NCKAP5: variants seen among roughly 807,000 people sequenced by gnomAD.
NCKAP5 encodes nck-associated protein 5.
Under a neutral mutation model 167.0 loss-of-function variants are expected in NCKAP5, and 92 were observed. The observed-to-expected ratio is 0.55, with a 90% confidence interval of 0.47 to 0.66. The LOEUF (loss-of-function observed/expected upper bound fraction) is 0.66. NCKAP5 is among the 30% of genes least tolerant of loss of function. The pLI is 0.00. For missense variants in NCKAP5, 2,378 were observed against 2,315.0 expected, an observed-to-expected ratio of 1.03 and a Z score of -0.56; for synonymous variants, 891 against 877.4, an observed-to-expected ratio of 1.02 and a Z score of -0.27.
chr2:132,675,029 A>G (rs1684252839), intron 19 of NCKAP5, among the ~76,000 whole-genome samples: 1 of 152,234 alleles, frequency 6.6e-6, no homozygotes, highest in African/African-American at 2.4e-5. Flanking sequence ...AATGGCATTC[A>G]ATGCAATTTT....
intron 2 of NCKAP5, among the ~76,000 whole-genome samples, chr2:133,557,810 T>C (rs1350098759): frequency 6.6e-6 from 1 of 152,204 alleles, no homozygotes; most frequent in Non-Finnish European, 1.5e-5. Context: ...AACAGGGGAC[T>C]ACTGGGATCA....
rs140271051 is a variant in NCKAP5 at position 133,482,186 on chromosome 2, A to G, written c.69+35272T>C. ...ATTTCTAATGGGTGAATAGTATTAC[A>G]TTGTGTATATATATAAAATTTTCCT... On this transcript the variant is annotated intron_variant, in intron 3 of 19. Transcript: ENST00000409261. 7.3e-3 allele frequency among the ~76,000 whole-genome samples: 1,105 copies of G among 151,854 alleles called. 10 individuals are homozygous for G. Among genetic ancestry groups the G allele is most frequent in the South Asian group, 0.027 (131 of 4,804 alleles).
At chr2:133,289,262 T>C (rs1349655202) in intron 4 of NCKAP5, among the ~76,000 whole-genome samples, 1 of 152,198 alleles carries the variant, frequency 6.6e-6, no homozygotes, top group Non-Finnish European at 1.5e-5. Context: ...TTAAAGGAGC[T>C]AGGTAATAAA....
intron 6 of NCKAP5, among the ~76,000 whole-genome samples, chr2:133,034,710 G>C (rs2078986814): frequency 6.6e-6 from 1 of 151,772 alleles, no homozygotes; most frequent in African/African-American, 2.4e-5. Flanking sequence ...TAAAGTAGTT[G>C]GTTATAAATA....
At chr2:132,824,923 T>C (rs112526016) in intron 11 of NCKAP5, among the ~76,000 whole-genome samples, 2 of 152,324 alleles carry the variant, frequency 1.3e-5, no homozygotes, top group African/African-American at 4.8e-5. Flanking sequence ...TTTGAAGCCA[T>C]GGAGATTTTA....
chr2:132,770,129 A>T (rs1367452251), intron 16 of NCKAP5, among the ~76,000 whole-genome samples: 3 of 152,146 alleles, frequency 2.0e-5, no homozygotes, highest in African/African-American at 7.2e-5. Context: ...AATTTGCTCA[A>T]ACCAGTATTG....
intron 3 of NCKAP5, among the ~76,000 whole-genome samples, chr2:133,405,260 A>G (rs560356317): frequency 6.6e-6 from 1 of 152,338 alleles, no homozygotes; most frequent in Admixed American, 6.5e-5. Flanking sequence ...TAGAAAGTTC[A>G]TTTATTAACT....
intron 2 of NCKAP5, among the ~76,000 whole-genome samples, chr2:133,556,369 C>T (rs55864684): frequency 0.27 from 41,360 of 152,102 alleles, 6,168 homozygotes; most frequent in East Asian, 0.38. Flanking sequence ...ATCCTAGCCA[C>T]CTACTTATAA....
intron 11 of NCKAP5, among the ~76,000 whole-genome samples, chr2:132,830,917 C>G (rs144240325): frequency 1.7e-4 from 26 of 152,256 alleles, no homozygotes; most frequent in Admixed American, 5.2e-4. Flanking sequence ...CATCTCACCC[C>G]CCTTCAGTCC....
At chr2:132,890,378 A>T (rs1236824640) in intron 8 of NCKAP5, among the ~76,000 whole-genome samples, 1 of 150,918 alleles carries the variant, frequency 6.6e-6, no homozygotes, top group African/African-American at 2.4e-5. Flanking sequence ...ACAAAGATGG[A>T]TAAAATATAG....
chr2:133,377,730 G>A (rs193023253), intron 3 of NCKAP5, among the ~76,000 whole-genome samples: 1 of 152,286 alleles, frequency 6.6e-6, no homozygotes. Context: ...GAACAAAGGT[G>A]GCAGAATCTC....
chr2:133,220,488 C>T (rs542059053), intron 4 of NCKAP5, among the ~76,000 whole-genome samples: 221 of 152,200 alleles, frequency 1.5e-3, no homozygotes, highest in African/African-American at 4.5e-3. Context: ...GTTTCTAAAG[C>T]CCTTCAATAT....
chr2:132,821,434 G>A (rs547662144), intron 11 of NCKAP5, among the ~76,000 whole-genome samples: 14 of 152,332 alleles, frequency 9.2e-5, no homozygotes, highest in Admixed American at 4.6e-4. Flanking sequence ...CCTCATGGGG[G>A]CCCTCTGGGA....
chr2:133,408,464 C>G (rs1688580956), intron 3 of NCKAP5, among the ~76,000 whole-genome samples: 1 of 152,106 alleles, frequency 6.6e-6, no homozygotes, highest in African/African-American at 2.4e-5. Flanking sequence ...GACCTACCCC[C>G]TCTACATTGC....
chr2:133,337,304 A>G (rs144653006), intron 3 of NCKAP5, among the ~76,000 whole-genome samples: 50 of 152,310 alleles, frequency 3.3e-4, no homozygotes, highest in African/African-American at 1.2e-3. Flanking sequence ...GAGATTTCTC[A>G]TGTCCTTTAT....
intron 6 of NCKAP5, among the ~76,000 whole-genome samples, chr2:133,053,998 T>C (rs938084736): frequency 6.6e-6 from 1 of 152,190 alleles, no homozygotes; most frequent in South Asian, 2.1e-4. Context: ...AATAGATGAA[T>C]AGATGCAGTG....
At chr2:133,492,120 C>T (rs1208871224) in intron 3 of NCKAP5, among the ~76,000 whole-genome samples, 1 of 97,528 alleles carries the variant, frequency 1.0e-5, no homozygotes, top group Non-Finnish European at 2.2e-5. Context: ...CCTGCTCTAC[C>T]TGTATCCTAT....
chr2:133,493,473 C>T (rs903789471), intron 3 of NCKAP5, among the ~76,000 whole-genome samples: 10 of 152,172 alleles, frequency 6.6e-5, no homozygotes, highest in African/African-American at 2.4e-4. Context: ...CTAAAATATT[C>T]TGTAACTCAA....
the NCKAP5 span, among the ~76,000 whole-genome samples, chr2:133,617,298 G>T: frequency 6.6e-6 from 1 of 152,222 alleles, no homozygotes; most frequent in Non-Finnish European, 1.5e-5. Flanking sequence ...GAAAGTTCTG[G>T]CCAGGGCAAT....
Sources: gnomAD v4.1 joint callset for allele counts (sites outside exome capture counted in the v4.1 genomes callset) on GRCh38, gnomAD v4.1.1 for gene constraint, MANE v1.5 for transcripts, NCBI Gene and HGNC (gene_info 2026-07-23, HGNC 2026-07-21) for gene names.